BMPR1B: variants seen among roughly 807,000 people sequenced by gnomAD.
The protein encoded by BMPR1B is bone morphogenetic protein receptor type 1B.
Under a neutral mutation model 59.1 loss-of-function variants are expected in BMPR1B, and 12 were observed. The ratio of observed to expected loss-of-function variants is 0.20; its 90% CI spans 0.13 to 0.33. The LOEUF (loss-of-function observed/expected upper bound fraction) is 0.33. BMPR1B is among the 10% of genes least tolerant of loss of function. The pLI is 1.00. For synonymous variants in BMPR1B, 237 were observed against 207.3 expected (o/e 1.14, Z -1.23); for missense variants, 550 against 610.9 (o/e 0.90, Z 1.05).
intron 2 of BMPR1B, among the ~76,000 whole-genome samples, chr4:94,949,349 G>A (rs867349061): frequency 4.0e-5 from 2 of 49,398 alleles, no homozygotes; most frequent in African/African-American, 1.1e-4. Flanking sequence ...TCGCTCTGTC[G>A]CCCAGGCCGG....
At chr4:95,100,819 G>A (rs1306515398) in intron 3 of BMPR1B, among the ~76,000 whole-genome samples, 1 of 152,014 alleles carries the variant, frequency 6.6e-6, no homozygotes, top group African/African-American at 2.4e-5. Context: ...TTCTTTACTT[G>A]TTATTCTCTT....
intron 3 of BMPR1B, among the ~76,000 whole-genome samples, chr4:95,030,709 A>G (rs959785067): frequency 9.9e-5 from 15 of 152,184 alleles, no homozygotes; most frequent in Non-Finnish European, 1.9e-4. Flanking sequence ...AATCACAAGC[A>G]TTCTTATACA....
intron 2 of BMPR1B, among the ~76,000 whole-genome samples, chr4:94,915,419 C>T (rs528494571): frequency 3.3e-5 from 5 of 152,162 alleles, no homozygotes; most frequent in Non-Finnish European, 5.9e-5. Context: ...CCAATTCTCA[C>T]CCCTCCTCCC....
At chr4:95,087,472 C>T (rs558193171) in intron 3 of BMPR1B, among the ~76,000 whole-genome samples, 9 of 152,104 alleles carry the variant, frequency 5.9e-5, no homozygotes, top group South Asian at 2.1e-4. Flanking sequence ...GGCTCACACC[C>T]GTAATCCCAG....
At chr4:94,982,304 T>TA (rs146497250) in intron 2 of BMPR1B, among the ~76,000 whole-genome samples, 24,497 of 151,176 alleles carry the variant, frequency 0.16, 2,493 homozygotes, top group Non-Finnish European at 0.23. Flanking sequence ...TGCCTTTTTT[T>TA]AAAAAAAAAC....
intron 3 of BMPR1B, among the ~76,000 whole-genome samples, chr4:95,067,880 G>A (rs1038778311): frequency 2.0e-5 from 3 of 152,152 alleles, no homozygotes; most frequent in Non-Finnish European, 2.9e-5. Context: ...CTTTGGGAAC[G>A]GATAGGTGTG....
rs187435049 is a variant in BMPR1B at position 94,876,235 on chromosome 4, A to G, written c.-113+335A>G. 5.3e-3 allele frequency among the ~76,000 whole-genome samples: 812 copies of G among 152,238 alleles called. 11 individuals carry two copies. Among genetic ancestry groups the G allele is most frequent in the African/African-American group, 0.019 (780 of 41,478 alleles). On this transcript the variant is annotated intron_variant, in intron 2 of 12. Coordinates refer to ENST00000515059, the MANE Select transcript of BMPR1B (RefSeq NM_001203.3). ...TTTACCAACCATTGCTGATATCATC[A>G]CGATAACATGTTTCAGGTTAATAAA...
chr4:95,068,621 G>T (rs1021030650), intron 3 of BMPR1B, among the ~76,000 whole-genome samples: 3 of 152,180 alleles, frequency 2.0e-5, no homozygotes, highest in Non-Finnish European at 4.4e-5. Flanking sequence ...ACCAGTGGGG[G>T]ATAGGAACTG....
intron 3 of BMPR1B, among the ~76,000 whole-genome samples, chr4:95,061,202 CACACACA>C (rs1560624863): frequency 1.8e-5 from 2 of 112,916 alleles, no homozygotes; most frequent in African/African-American, 3.3e-5. Flanking sequence ...CACACACACA[CACACACA>C]CCACACACCC....
At chr4:94,907,724 G>A (rs1428260732) in intron 2 of BMPR1B, among the ~76,000 whole-genome samples, 2 of 151,886 alleles carry the variant, frequency 1.3e-5, no homozygotes, top group African/African-American at 2.4e-5. Context: ...CGGTTTGCTT[G>A]TATGTGTTTG....
chr4:95,131,633 G>A lies in BMPR1B; in HGVS notation c.1076+121G>A, dbSNP rs532884802. 3.1e-5 allele frequency: 37 copies of A among 1,179,282 alleles called. 1 individual carries two copies. In the South Asian group the frequency reaches 4.0e-4, roughly 13 times the overall value. 73.1% of individuals were successfully genotyped at this position (1,179,282 alleles called of 1,614,324 possible). ...AATATCATTAATTTTGACATTTGAC[G>A]GGGAGAACCACCAAACATTTTATTA... On this transcript the variant is annotated intron_variant, in intron 10 of 12. Transcript: ENST00000515059.
At chr4:94,809,537 A>G (rs1056355711) in intron 1 of BMPR1B, among the ~76,000 whole-genome samples, 1 of 152,206 alleles carries the variant, frequency 6.6e-6, no homozygotes, top group Non-Finnish European at 1.5e-5. Flanking sequence ...CAGAGAGTAC[A>G]CACAACAAAT....
chr4:94,807,384 A>G (rs1342167017), intron 1 of BMPR1B, among the ~76,000 whole-genome samples: 3 of 152,252 alleles, frequency 2.0e-5, no homozygotes, highest in African/African-American at 7.2e-5. Flanking sequence ...TGAGCCAAAG[A>G]ACCAGCTGTG....
intron 2 of BMPR1B, among the ~76,000 whole-genome samples, chr4:94,897,941 C>CTTTTTTTTTTTTTTTTTTTTT (rs869186341): frequency 1.1e-5 from 1 of 90,330 alleles, no homozygotes. Flanking sequence ...AATTCTTTTC[C>CTTTTTTTTTTTTTTTTTTTTT]TTTTTTTTTT....
intron 1 of BMPR1B, among the ~76,000 whole-genome samples, chr4:94,845,228 T>C (rs1397012046): frequency 1.3e-5 from 2 of 152,158 alleles, no homozygotes; most frequent in African/African-American, 4.8e-5. Flanking sequence ...TTTTTAAAAC[T>C]ACATTTGTAC....
At chr4:94,762,453 C>T (rs966021461) in intron 1 of BMPR1B, among the ~76,000 whole-genome samples, 6 of 152,132 alleles carry the variant, frequency 3.9e-5, no homozygotes, top group Admixed American at 2.6e-4. Context: ...GAGCCAACCC[C>T]GTGAAGATCT....
At chr4:94,978,756 G>T (rs1394248310) in intron 2 of BMPR1B, among the ~76,000 whole-genome samples, 9 of 152,226 alleles carry the variant, frequency 5.9e-5, no homozygotes, top group African/African-American at 2.2e-4. Flanking sequence ...AGATTGTAGT[G>T]GCCATCTGTA....
At chr4:95,035,067 A>G (rs1050089515) in intron 3 of BMPR1B, among the ~76,000 whole-genome samples, 1 of 151,788 alleles carries the variant, frequency 6.6e-6, no homozygotes, top group African/African-American at 2.4e-5. Context: ...TTTGTTGGCT[A>G]TTTGTTTATC....
intron 1 of BMPR1B, among the ~76,000 whole-genome samples, chr4:94,761,990 G>C (rs1468621557): frequency 1.3e-5 from 2 of 152,166 alleles, no homozygotes; most frequent in Admixed American, 1.3e-4. Flanking sequence ...ATAGAGTACA[G>C]AGAGAAGCCA....
Sources: allele counts gnomAD v4.1 joint callset (sites outside exome capture counted in the v4.1 genomes callset), GRCh38; gene constraint gnomAD v4.1.1; transcripts MANE v1.5; gene names NCBI Gene and HGNC (gene_info 2026-07-23, HGNC 2026-07-21).